AUTS2: variants seen among roughly 807,000 people sequenced by gnomAD.
AUTS2 encodes autism susceptibility gene 2 protein.
In AUTS2, 17 loss-of-function variants were observed where a neutral mutation model predicts 112.4. That is an observed-to-expected ratio of 0.15 (90% CI 0.10 to 0.23). The LOEUF is 0.23. Among genes scored for constraint, AUTS2 ranks in the 10% least tolerant of loss-of-function variants. AUTS2 has a pLI of 1.00. For synonymous variants in AUTS2, 751 were observed against 702.7 expected (o/e 1.07, Z -1.09); for missense variants, 1,510 against 1,701.6 (o/e 0.89, Z 1.98).
intron 5 of AUTS2, among the ~76,000 whole-genome samples, chr7:70,490,786 T>C (rs1798200362): frequency 6.6e-6 from 1 of 152,224 alleles, no homozygotes; most frequent in Non-Finnish European, 1.5e-5. Flanking sequence ...TCATTCAGTC[T>C]CATGGATATC....
At chr7:70,311,807 C>G (rs12698894) in intron 4 of AUTS2, among the ~76,000 whole-genome samples, 14,672 of 152,206 alleles carry the variant, frequency 0.096, 747 homozygotes, top group Admixed American at 0.14. Flanking sequence ...AGCTCCGCCT[C>G]CCGGGTTCAC....
intron 15 of AUTS2, chr7:70,784,726 T>C (rs1462408221): frequency 2.9e-5 from 14 of 489,204 alleles, no homozygotes; most frequent in East Asian, 4.3e-5. Flanking sequence ...AGAGGGATGA[T>C]TGATTTTCTG....
chr7:70,187,268 G>A (rs1476725238), intron 4 of AUTS2, among the ~76,000 whole-genome samples: 4 of 152,086 alleles, frequency 2.6e-5, no homozygotes, highest in Non-Finnish European at 4.4e-5. Context: ...TATTTATGGT[G>A]GTGTTTAGGA....
intron 2 of AUTS2, among the ~76,000 whole-genome samples, chr7:70,048,470 C>G (rs1209865649): frequency 6.6e-6 from 1 of 152,184 alleles, no homozygotes; most frequent in East Asian, 1.9e-4. Context: ...TTATCACTTG[C>G]CTTTCACTCA....
At chr7:70,130,229 G>A (rs1217566662) in intron 3 of AUTS2, among the ~76,000 whole-genome samples, 1 of 152,136 alleles carries the variant, frequency 6.6e-6, no homozygotes, top group African/African-American at 2.4e-5. Flanking sequence ...TAGGGGTGGA[G>A]TACACATGTG....
At chr7:70,530,953 G>T (rs1453023084) in intron 5 of AUTS2, among the ~76,000 whole-genome samples, 1 of 152,132 alleles carries the variant, frequency 6.6e-6, no homozygotes, top group Non-Finnish European at 1.5e-5. Flanking sequence ...AGGGACCCAG[G>T]CAAAAGGGGA....
At chr7:70,025,450 CTT>C (rs970909285) in intron 2 of AUTS2, among the ~76,000 whole-genome samples, 83 of 134,394 alleles carry the variant, frequency 6.2e-4, no homozygotes, top group Admixed American at 9.8e-4. Flanking sequence ...TTTTTGTTTC[CTT>C]TTTTTTTTTT....
At chr7:69,793,082 A>T (rs1376609691) in intron 1 of AUTS2, among the ~76,000 whole-genome samples, 1 of 152,196 alleles carries the variant, frequency 6.6e-6, no homozygotes, top group Non-Finnish European at 1.5e-5. Context: ...TCCACTGGAT[A>T]CAAGGAGGGC....
chr7:70,362,922 G>T (rs1231423486), intron 4 of AUTS2, among the ~76,000 whole-genome samples: 1 of 152,182 alleles, frequency 6.6e-6, no homozygotes, highest in African/African-American at 2.4e-5. Context: ...GTACTCTGCA[G>T]TAAGAGACGG....
intron 1 of AUTS2, among the ~76,000 whole-genome samples, chr7:69,680,963 C>T (rs1356551622): frequency 6.6e-6 from 1 of 152,226 alleles, no homozygotes; most frequent in East Asian, 1.9e-4. Context: ...AACCACCACA[C>T]CCAGCTGAAT....
intron 1 of AUTS2, among the ~76,000 whole-genome samples, chr7:69,618,401 C>T (rs1793489328): frequency 6.6e-6 from 1 of 152,142 alleles, no homozygotes; most frequent in South Asian, 2.1e-4. Context: ...ATTCCTGATT[C>T]AGCAGGTACC....
chr7:70,289,324 C>G (rs1788604502), intron 4 of AUTS2, among the ~76,000 whole-genome samples: 1 of 152,210 alleles, frequency 6.6e-6, no homozygotes, highest in Admixed American at 6.5e-5. Flanking sequence ...TTGGAAGATG[C>G]ATCAGAGTAT....
intron 4 of AUTS2, among the ~76,000 whole-genome samples, chr7:70,389,681 A>C (rs1318509079): frequency 6.6e-6 from 1 of 152,184 alleles, no homozygotes; most frequent in African/African-American, 2.4e-5. Flanking sequence ...AGCCAAAAAG[A>C]AATCATACTT....
chr7:70,225,636 T>G (rs577407740), intron 4 of AUTS2, among the ~76,000 whole-genome samples: 1 of 152,298 alleles, frequency 6.6e-6, no homozygotes, highest in African/African-American at 2.4e-5. Flanking sequence ...GTTGATAGTT[T>G]ACTAATGAAA....
chr7:69,677,806 A>G (rs1027676724), intron 1 of AUTS2, among the ~76,000 whole-genome samples: 9 of 152,210 alleles, frequency 5.9e-5, no homozygotes, highest in Non-Finnish European at 1.0e-4. Context: ...CTGGATTTTA[A>G]GCACCAAAAG....
At chr7:69,871,013 G>A (rs892915836) in intron 1 of AUTS2, among the ~76,000 whole-genome samples, 3 of 152,116 alleles carry the variant, frequency 2.0e-5, no homozygotes, top group Non-Finnish European at 4.4e-5. Context: ...AATGTATTTT[G>A]TTTTTACCGC....
At chr7:70,753,586 A>G (rs1788998054) in intron 6 of AUTS2, among the ~76,000 whole-genome samples, 1 of 152,232 alleles carries the variant, frequency 6.6e-6, no homozygotes, top group African/African-American at 2.4e-5. Flanking sequence ...GAATCTTCTA[A>G]TGGAACAAAC....
At chr7:69,934,974 GT>G (rs1796355320) in intron 2 of AUTS2, among the ~76,000 whole-genome samples, 1 of 152,180 alleles carries the variant, frequency 6.6e-6, no homozygotes, top group Non-Finnish European at 1.5e-5. Flanking sequence ...CGAAGGAAAA[GT>G]TACGGTTTTG....
At chr7:70,100,428 CATTTT>C (rs1804421771) in intron 2 of AUTS2, among the ~76,000 whole-genome samples, 1 of 149,670 alleles carries the variant, frequency 6.7e-6, no homozygotes, top group Non-Finnish European at 1.5e-5. Context: ...ACGGTTGTAC[CATTTT>C]TTTTTTTTTA....
Sources: allele counts gnomAD v4.1 joint callset (sites outside exome capture counted in the v4.1 genomes callset), GRCh38; gene constraint gnomAD v4.1.1; transcripts MANE v1.5; gene names NCBI Gene and HGNC (gene_info 2026-07-23, HGNC 2026-07-21).